The following ARID4B variants were observed in gnomAD, a reference collection of about 807,000 sequenced individuals.
The protein encoded by ARID4B is AT-rich interaction domain 4B.
In ARID4B, 26 loss-of-function variants were observed where a neutral mutation model predicts 147.5. That is an observed-to-expected ratio of 0.18 (90% CI 0.13 to 0.24). ARID4B has a LOEUF of 0.24. Among genes scored for constraint, ARID4B ranks in the 10% least tolerant of loss-of-function variants. The pLI, the probability that ARID4B is intolerant of heterozygous loss-of-function variation, is 1.00. For synonymous variants in ARID4B, 512 were observed against 507.9 expected, an observed-to-expected ratio of 1.01 and a Z score of -0.11; for missense variants, 1,179 against 1,511.5, an observed-to-expected ratio of 0.78 and a Z score of 3.65.
chr1:235,215,267 C>T (rs1265926833), intron 16 of ARID4B, among the ~76,000 whole-genome samples: 5 of 152,004 alleles, frequency 3.3e-5, no homozygotes, highest in African/African-American at 1.2e-4. Flanking sequence ...ATAAATCTTT[C>T]CAAACACTAG....
chr1:235,175,460 T>C (rs1305748733), intron 21 of ARID4B, 61 bp from the exon 22 acceptor site: 1 of 1,358,938 alleles, frequency 7.4e-7, no homozygotes, highest in Non-Finnish European at 1.0e-6. Context: ...TCACAGATTT[T>C]AGTAGGTAAT....
chr1:235,221,583 A>G lies in ARID4B; in HGVS notation c.1145T>C (p.Val382Ala). The part of the protein sequence containing the change: ...PVLNSAAGYN[V>A]KCAYKKYLYG... ...AACTTACTTTTTATAAGCACATTTA[A>G]CATTGTATCCTGCAGCTGAATTTAA... Residue 382 changes from valine (V) to alanine (A), a missense_variant, in exon 14 of 24, where the codon GTT becomes GCT. Coordinates refer to ENST00000264183, the MANE Select transcript of ARID4B (RefSeq NM_016374.6). 6.2e-7 allele frequency: 1 copy of G among 1,602,612 alleles called. No homozygotes were observed. Among genetic ancestry groups the G allele is most frequent in the Non-Finnish European group, 8.5e-7 (1 of 1,171,608 alleles).
At chr1:235,198,464 A>AT (rs1665651522) in intron 17 of ARID4B, among the ~76,000 whole-genome samples, 1 of 152,240 alleles carries the variant, frequency 6.6e-6, no homozygotes, top group African/African-American at 2.4e-5. Context: ...TTACTCAGAT[A>AT]TAATGTATGT....
intron 2 of ARID4B, among the ~76,000 whole-genome samples, chr1:235,325,868 A>G (rs534618844): frequency 2.0e-5 from 3 of 152,236 alleles, no homozygotes; most frequent in Non-Finnish European, 2.9e-5. Context: ...ACCTTCTACA[A>G]CCACAAGTAT....
At chr1:235,322,465 A>G (rs1674907510) in intron 2 of ARID4B, among the ~76,000 whole-genome samples, 3 of 152,158 alleles carry the variant, frequency 2.0e-5, no homozygotes, top group Admixed American at 2.0e-4. Flanking sequence ...TTCATTTTCC[A>G]GTACGTTATC....
At chr1:235,302,935 C>CTTTTTTTTT (rs71172294) in intron 2 of ARID4B, among the ~76,000 whole-genome samples, 1 of 149,860 alleles carries the variant, frequency 6.7e-6, no homozygotes, top group Non-Finnish European at 1.5e-5. Context: ...TTCTTTTTTT[C>CTTTTTTTTT]TTTTTTTTGA....
chr1:235,245,736 A>G (rs1669262130), intron 7 of ARID4B, among the ~76,000 whole-genome samples: 1 of 152,198 alleles, frequency 6.6e-6, no homozygotes, highest in Non-Finnish European at 1.5e-5. Flanking sequence ...TTGATTATCT[A>G]GTACTTATGT....
At chr1:235,238,959 A>C (rs967911669) in intron 8 of ARID4B, among the ~76,000 whole-genome samples, 1 of 150,774 alleles carries the variant, frequency 6.6e-6, no homozygotes, top group Non-Finnish European at 1.5e-5. Flanking sequence ...AATTTTAAAG[A>C]GTTCAAGATA....
intron 12 of ARID4B, among the ~76,000 whole-genome samples, 178 bp downstream of exon 12, chr1:235,224,525 C>T (rs966401423): frequency 5.3e-5 from 8 of 152,080 alleles, no homozygotes; most frequent in African/African-American, 1.7e-4. Flanking sequence ...CTATCAAATT[C>T]CTCATTCTAC....
intron 19 of ARID4B, among the ~76,000 whole-genome samples, chr1:235,190,591 C>G (rs1446613921): frequency 6.6e-6 from 1 of 152,122 alleles, no homozygotes; most frequent in Non-Finnish European, 1.5e-5. Context: ...CAATTCAACA[C>G]TGCCAATAAA....
rs751007601 is a variant in ARID4B at position 235,240,347 on chromosome 1, A to G, written c.551T>C (p.Leu184Ser). 27 of 1,613,224 alleles carry G rather than the reference A, an allele frequency of 1.7e-5. No homozygotes were observed. The highest frequency in any genetic ancestry group is 2.2e-5 in the Non-Finnish European group (26 of 1,179,574). ...GKVVCVDYIS[L>S]DKKKALWFPA... The stretch of plus-strand genomic sequence containing the variant: ...AAACCACAGTGCTTTCTTTTTATCC[A>G]AACTAATGTAATCTACACATACAAC... The change falls in exon 8 of 24, where the codon TTG becomes TCG. Residue 184 changes from leucine to serine, a missense_variant. Leu to Ser is a moderately radical substitution (Grantham distance 145). Coordinates refer to ENST00000264183, the MANE Select transcript of ARID4B (RefSeq NM_016374.6).
chr1:235,246,329 T>C (rs1412587963), intron 7 of ARID4B, 91 bp downstream of exon 7: 2 of 1,048,134 alleles, frequency 1.9e-6, no homozygotes, highest in Middle Eastern at 2.2e-4. Context: ...CTGGTTAGCA[T>C]TTTGCAAATT....
intron 2 of ARID4B, among the ~76,000 whole-genome samples, chr1:235,263,371 T>C (rs1670406920): frequency 6.6e-6 from 1 of 152,190 alleles, no homozygotes; most frequent in South Asian, 2.1e-4. Flanking sequence ...TTTAGACTAT[T>C]AGTATTCAGA....
intron 2 of ARID4B, among the ~76,000 whole-genome samples, chr1:235,313,566 C>T (rs1428391023): frequency 1.3e-5 from 2 of 152,054 alleles, no homozygotes; most frequent in Non-Finnish European, 2.9e-5. Context: ...GTATTCTGAT[C>T]AAGAAATGAA....
intron 16 of ARID4B, among the ~76,000 whole-genome samples, chr1:235,218,552 T>C (rs1317789058): frequency 6.6e-6 from 1 of 152,176 alleles, no homozygotes; most frequent in African/African-American, 2.4e-5. Flanking sequence ...TAACAAAGTA[T>C]AATCAACAAA....
chr1:235,296,304 T>C (rs906549731), intron 2 of ARID4B: 1 of 152,726 alleles, frequency 6.5e-6, no homozygotes, highest in African/African-American at 2.4e-5. Flanking sequence ...TTCCTGACTA[T>C]GATGACGTTG....
intron 2 of ARID4B, among the ~76,000 whole-genome samples, chr1:235,273,369 A>G (rs1194400245): frequency 6.6e-6 from 1 of 152,240 alleles, no homozygotes; most frequent in East Asian, 1.9e-4. Flanking sequence ...AAACTTAAAA[A>G]AAGTAAATTA....
At chr1:235,179,525 CAAAAAAAAAAAAAAAAA>C (rs61143006) in intron 20 of ARID4B, among the ~76,000 whole-genome samples, 1 of 48,360 alleles carries the variant, frequency 2.1e-5, no homozygotes. Flanking sequence ...CTCTATGTCT[CAAAAAAAAAAAAAAAAA>C]AAAAAAAAAA....
chr1:235,262,066 C>T (rs1670325581), intron 2 of ARID4B, among the ~76,000 whole-genome samples: 2 of 152,116 alleles, frequency 1.3e-5, no homozygotes, highest in Admixed American at 6.6e-5. Flanking sequence ...GTCCAAAGAA[C>T]CCTTTCTTTT....
Sources: allele counts gnomAD v4.1 joint callset (sites outside exome capture counted in the v4.1 genomes callset), GRCh38; gene constraint gnomAD v4.1.1; transcripts MANE v1.5; gene names NCBI Gene and HGNC (gene_info 2026-07-23, HGNC 2026-07-21).